The following MAP2 variants were observed in gnomAD, a reference collection of about 807,000 sequenced individuals.
MAP2 encodes the protein microtubule associated protein 2.
A neutral mutation model predicts 137.6 loss-of-function variants in MAP2; 14 were observed. That is an observed-to-expected ratio of 0.10 (90% CI 0.07 to 0.16). The LOEUF (loss-of-function observed/expected upper bound fraction) is 0.16. MAP2 is among the 10% of genes least tolerant of loss of function. The probability of loss-of-function intolerance (pLI) is 1.00; values close to 1 mark genes in which losing one functional copy is unlikely to be tolerated. For synonymous variants in MAP2, 786 were observed against 782.3 expected (o/e 1.00, Z -0.08); for missense variants, 2,088 against 2,191.5 (o/e 0.95, Z 0.94).
At chr2:209,612,219 G>A (rs999501025) in intron 3 of MAP2, among the ~76,000 whole-genome samples, 2 of 152,266 alleles carry the variant, frequency 1.3e-5, no homozygotes, top group East Asian at 3.9e-4. Flanking sequence ...CTAGAAAAGA[G>A]CTCTTTGCCA....
chr2:209,485,240 C>T (rs1368363593), intron 1 of MAP2, among the ~76,000 whole-genome samples: 1 of 152,174 alleles, frequency 6.6e-6, no homozygotes, highest in Non-Finnish European at 1.5e-5. Flanking sequence ...AAGCTTATTT[C>T]CCTCTCTGTT....
intron 1 of MAP2, among the ~76,000 whole-genome samples, chr2:209,439,302 G>A (rs549681949): frequency 6.6e-6 from 1 of 151,482 alleles, no homozygotes; most frequent in Non-Finnish European, 1.5e-5. Context: ...TGATTGCTAA[G>A]GTCCACATTT....
chr2:209,635,216 C>A (rs538302358), intron 4 of MAP2, among the ~76,000 whole-genome samples: 5 of 152,154 alleles, frequency 3.3e-5, no homozygotes, highest in African/African-American at 9.6e-5. Context: ...TTCTTGGTTT[C>A]TTCAGTAACT....
chr2:209,449,496 C>T (rs950728119), intron 1 of MAP2, among the ~76,000 whole-genome samples: 1 of 152,044 alleles, frequency 6.6e-6, no homozygotes, highest in Non-Finnish European at 1.5e-5. Context: ...ATTGAACATA[C>T]TGTCTAAAAT....
At position 209,434,896 on chromosome 2, in the gene MAP2, T is replaced by TTA. The variant is rs201537636; in HGVS notation, c.-222+10630_-222+10631dup. Among the ~76,000 whole-genome samples the TTA allele has an allele frequency of 7.3e-3, 1,015 of 138,300 alleles. 28 individuals are homozygous for TTA. Among genetic ancestry groups the TTA allele is most frequent in the African/African-American group, 0.027 (952 of 35,652 alleles). 90.7% of individuals were successfully genotyped at this position (138,300 alleles called of 152,430 possible). A position where few individuals can be genotyped will look rare whatever the true frequency, so the allele number is the denominator to read the frequency against. The stretch of plus-strand genomic sequence containing the variant: ...ATGTTATATATATGTTATATATATG[T>TTA]TATATATATATGTTATATATATGTT... On this transcript the variant is annotated intron_variant, in intron 1 of 15. Transcript: ENST00000682079.
chr2:209,538,726 A>G (rs891201592), intron 2 of MAP2, among the ~76,000 whole-genome samples: 1 of 152,126 alleles, frequency 6.6e-6, no homozygotes, highest in African/African-American at 2.4e-5. Flanking sequence ...CACATCGTGA[A>G]ATCGAGATGC....
chr2:209,676,599 G>A (rs2051621798), intron 5 of MAP2, among the ~76,000 whole-genome samples: 2 of 151,114 alleles, frequency 1.3e-5, no homozygotes, highest in Non-Finnish European at 3.0e-5. Flanking sequence ...TATAGTGTGG[G>A]AGATAAGCCA....
At chr2:209,682,692 A>G (rs1291190608) in intron 7 of MAP2, among the ~76,000 whole-genome samples, 2 of 152,128 alleles carry the variant, frequency 1.3e-5, no homozygotes, top group Admixed American at 1.3e-4. Flanking sequence ...AGTGTTGGCC[A>G]AATAAAGATA....
chr2:209,720,079 A>G (rs1271222220), intron 13 of MAP2, among the ~76,000 whole-genome samples: 1 of 152,224 alleles, frequency 6.6e-6, no homozygotes, highest in Non-Finnish European at 1.5e-5. Flanking sequence ...AGTATAGAAT[A>G]TAGCAGAGTC....
intron 1 of MAP2, among the ~76,000 whole-genome samples, chr2:209,448,667 A>G (rs779752157): frequency 7.2e-5 from 11 of 152,108 alleles, no homozygotes; most frequent in Non-Finnish European, 1.2e-4. Context: ...GTTTGTGGCT[A>G]CATCACTCCA....
At chr2:209,715,671 A>G (rs1286563947) in intron 13 of MAP2, among the ~76,000 whole-genome samples, 2 of 152,194 alleles carry the variant, frequency 1.3e-5, no homozygotes, top group Non-Finnish European at 2.9e-5. Context: ...GCTCCAAGGA[A>G]GTAAAGAAGT....
intron 1 of MAP2, among the ~76,000 whole-genome samples, chr2:209,467,437 T>G (rs367796973): frequency 1.3e-5 from 2 of 152,310 alleles, no homozygotes; most frequent in East Asian, 3.9e-4. Context: ...ACTTAAAATA[T>G]ACTTTTTTAG....
At chr2:209,519,855 T>C (rs2063024263) in intron 2 of MAP2, among the ~76,000 whole-genome samples, 1 of 152,062 alleles carries the variant, frequency 6.6e-6, no homozygotes, top group African/African-American at 2.4e-5. Flanking sequence ...AGATGATCAC[T>C]ACTCCTTCAC....
At chr2:209,507,119 C>T (rs1421322991) in intron 1 of MAP2, among the ~76,000 whole-genome samples, 2 of 152,134 alleles carry the variant, frequency 1.3e-5, no homozygotes, top group Non-Finnish European at 2.9e-5. Context: ...AAAGGCCCCA[C>T]CTCCAAATAT....
At chr2:209,527,757 G>C (rs2150502184) in intron 2 of MAP2, among the ~76,000 whole-genome samples, 1 of 152,248 alleles carries the variant, frequency 6.6e-6, no homozygotes, top group South Asian at 2.1e-4. Flanking sequence ...ATGGGTACTT[G>C]TTAGAAATGT....
chr2:209,726,843 C>T (rs2153814411), intron 14 of MAP2, among the ~76,000 whole-genome samples: 1 of 152,302 alleles, frequency 6.6e-6, no homozygotes, highest in African/African-American at 2.4e-5. Context: ...TATTTTGACA[C>T]AATTCATTTA....
At chr2:209,439,905 C>A (rs780362357) in intron 1 of MAP2, among the ~76,000 whole-genome samples, 7 of 151,356 alleles carry the variant, frequency 4.6e-5, no homozygotes, top group African/African-American at 7.3e-5. Context: ...ATCTTACTGA[C>A]CCCTATTTAT....
At chr2:209,603,397 A>G (rs2083577663) in intron 3 of MAP2, among the ~76,000 whole-genome samples, 1 of 152,130 alleles carries the variant, frequency 6.6e-6, no homozygotes, top group Non-Finnish European at 1.5e-5. Flanking sequence ...GTTTCATTTG[A>G]TGTAGAAACT....
chr2:209,478,165 C>T (rs1247772747), intron 1 of MAP2, among the ~76,000 whole-genome samples: 3 of 152,136 alleles, frequency 2.0e-5, no homozygotes, highest in Non-Finnish European at 2.9e-5. Context: ...CTGGTAAACA[C>T]GTCATTATTG....
Sources: allele counts gnomAD v4.1 joint callset (sites outside exome capture counted in the v4.1 genomes callset), GRCh38; gene constraint gnomAD v4.1.1; transcripts MANE v1.5; gene names NCBI Gene and HGNC (gene_info 2026-07-23, HGNC 2026-07-21).